Variants in B4GALT3 observed in about 807,000 individuals in gnomAD.
B4GALT3 encodes beta-1,4-galactosyltransferase 3.
In B4GALT3, 29 loss-of-function variants were observed where a neutral mutation model predicts 40.7. The observed-to-expected ratio is 0.71, with a 90% CI of 0.53 to 0.97. The LOEUF is 0.97. B4GALT3 is among the 50% of genes least tolerant of loss of function. B4GALT3 has a pLI of 0.00. For synonymous variants in B4GALT3, 182 were observed against 203.9 expected (o/e 0.89, Z 0.92); for missense variants, 390 against 522.3 (o/e 0.75, Z 2.47).
At position 161,173,597 on chromosome 1, in the gene B4GALT3, A is replaced by C; in HGVS notation, c.803+8T>G. The C allele has an allele frequency of 6.2e-7, 1 of 1,613,704 alleles. No individual in the cohort carries two copies. The highest frequency in any genetic ancestry group is 8.5e-7 in the Non-Finnish European group (1 of 1,180,002). Reference sequence around the variant, plus strand: ...GGTCAGGAGGGAGGAAGTGGCAGGAAGTCTGACCTGGTAGCAATGTCGTCA... The same window carrying C: ...GGTCAGGAGGGAGGAAGTGGCAGGACGTCTGACCTGGTAGCAATGTCGTCA... On this transcript the variant is annotated splice_region_variant and intron_variant, in intron 6 of 7. Transcript: ENST00000319769.
At chr1:161,176,745 G>A in intron 1 of B4GALT3, 166 bp from the exon 2 acceptor site, 1 of 886,634 alleles carries the variant, frequency 1.1e-6, no homozygotes. Flanking sequence ...ACCCTGGAAT[G>A]ATAAGTGTCA....
rs745804708 is a variant in B4GALT3, at chr1:161,172,295, G to A, written c.840C>T (p.Pro280=). The A allele has an allele frequency of 1.9e-6, 3 of 1,613,870 alleles. No individual in the cohort carries two copies. The highest frequency in any genetic ancestry group is 1.3e-5 in the African/African-American group (1 of 74,854). ...CCATCTTATAGTGTCCTACAGATGT[G>A]GGGGGCCGAGAGATCTTCATCCCAG... ...RLAGMKISRP[P]TSVGHYKMVK... The change falls in exon 7 of 8, where the codon CCC becomes CCT. Residue 280 remains proline (P), a synonymous_variant. Transcript: ENST00000319769.
chr1:161,174,297 C>T (rs1314068076), intron 4 of B4GALT3, among the ~76,000 whole-genome samples: 1 of 151,710 alleles, frequency 6.6e-6, no homozygotes, highest in East Asian at 1.9e-4. Context: ...GTCCCAGCTA[C>T]TCAGGAGGCT....
In B4GALT3 at chr1:161,171,576, T is replaced by TAA. The variant is rs1661443682; in HGVS notation, c.*238_*239dup. On this transcript the variant is annotated 3_prime_UTR_variant, in exon 8 of 8. Coordinates refer to ENST00000319769, the MANE Select transcript of B4GALT3 (RefSeq NM_003779.4). ...GCAGGGACTCCTAGGAATCGTCACATAAAATCATGACATCAAGGATTCACA... is the reference window on the plus strand; with the variant it reads ...GCAGGGACTCCTAGGAATCGTCACATAAAAAATCATGACATCAAGGATTCACA... 1.6e-6 allele frequency: 1 copy of TAA among 617,332 alleles called. No homozygotes were observed. Among genetic ancestry groups the TAA allele is most frequent in the African/African-American group, 1.8e-5 (1 of 54,232 alleles). The allele number at this position is 617,332 out of a possible 1,614,324, so 38.2% of individuals were successfully genotyped here.
Position 161,174,793 on chromosome 1 carries a change from A to C in B4GALT3, c.489+200T>G, listed in dbSNP as rs140028004. 2.8e-4 allele frequency: 168 copies of C among 600,468 alleles called. No individual in the cohort carries two copies. The East Asian group carries it at 4.7e-3, about 17-fold the overall frequency. The allele number at this position is 600,468 out of a possible 1,614,324, so 37.2% of individuals were successfully genotyped here. ...AAAAAATCACAGGAGAGTGTAGGAC[A>C]GTGGGAATAACCTAAGCAGATTAAG... On this transcript the variant is annotated intron_variant, in intron 4 of 7. Transcript: ENST00000319769.
At chr1:161,174,845 AAGAGC>A in intron 4 of B4GALT3, 143 bp downstream of exon 4, 1 of 770,548 alleles carries the variant, frequency 1.3e-6, no homozygotes, top group South Asian at 1.7e-5. Context: ...ACAAAGTTGG[AAGAGC>A]AGTGCCGGGT....
upstream of B4GALT3, chr1:161,177,784 T>G (rs539491680): frequency 6.6e-6 from 1 of 151,338 alleles, no homozygotes; most frequent in Non-Finnish European, 1.5e-5. Context: ...ATCAGGAGGC[T>G]AGTGAGCCGG....
intron 3 of B4GALT3, 111 bp from the exon 4 acceptor site, chr1:161,175,339 T>C: frequency 4.3e-6 from 4 of 937,116 alleles, no homozygotes; most frequent in Non-Finnish European, 6.4e-6. Context: ...GGCTTAGTTC[T>C]CAGGGCTCAC....
At position 161,171,539 on chromosome 1, in the gene B4GALT3, C is replaced by T; in HGVS notation, c.*277G>A. On this transcript the variant is annotated 3_prime_UTR_variant, in exon 8 of 8. Coordinates refer to ENST00000319769, the MANE Select transcript of B4GALT3 (RefSeq NM_003779.4). ...GAGGGGCTTGGGGTCCAGCCCTGCT[C>T]CTACTCTAGGGGCAGGGACTCCTAG... 1 of 586,888 alleles carries T rather than the reference C, an allele frequency of 1.7e-6. No individual in the cohort carries two copies. Among genetic ancestry groups the T allele is most frequent in the Non-Finnish European group, 3.0e-6 (1 of 334,254 alleles). The allele number at this position is 586,888 out of a possible 1,614,324, so 36.4% of individuals were successfully genotyped here. A position where few individuals can be genotyped will look rare whatever the true frequency, so the allele number is the denominator to read the frequency against.
rs905022007 is a variant in B4GALT3 at position 161,176,219 on chromosome 1, G to C, written c.-14-145C>G. 2.6e-5 allele frequency: 23 copies of C among 879,046 alleles called. No homozygotes were observed. In the African/African-American group the frequency reaches 3.7e-4, roughly 14 times the overall value. 54.5% of individuals were successfully genotyped at this position (879,046 alleles called of 1,614,324 possible). On this transcript the variant is annotated intron_variant, in intron 2 of 7. Coordinates refer to ENST00000319769, the MANE Select transcript of B4GALT3 (RefSeq NM_003779.4). ...ACAGAAGGGAGCACACAGGTGCACA[G>C]TCACGCAAGGAAACAGAATGTAACC...
chr1:161,171,895 TCTTGACGGAAGG>T lies in B4GALT3; in HGVS notation c.1091_1102del (p.Ala364_Gln367del), dbSNP rs1275202923. 3 of 1,613,984 alleles carry T rather than the reference TCTTGACGGAAGG, an allele frequency of 1.9e-6. No homozygotes were observed. The African/African-American group carries it at 4.0e-5, about 22-fold the overall frequency. On this transcript the variant is annotated inframe_deletion, in exon 8 of 8. Transcript: ENST00000319769. ...GGCTGGGGGCCGGCGTTGCAGCATC[TCTTGACGGAAGG>T]CTTGGGAGGAACCAGGTGGGTAACG...
intron 4 of B4GALT3, among the ~76,000 whole-genome samples, chr1:161,174,338 G>A (rs1012441421): frequency 7.9e-5 from 12 of 151,758 alleles, no homozygotes; most frequent in Admixed American, 2.0e-4. Flanking sequence ...AACCCGGGAG[G>A]TGGAGCTTGC....
upstream of B4GALT3, chr1:161,177,564 G>T (rs904682878): frequency 5.5e-5 from 9 of 165,052 alleles, no homozygotes; most frequent in Admixed American, 4.7e-4. Flanking sequence ...GGCTGACTAG[G>T]CACCCGGTCC....
At chr1:161,173,563 C>A in intron 6 of B4GALT3, 42 bp downstream of exon 6, 1 of 1,612,272 alleles carries the variant, frequency 6.2e-7, no homozygotes, top group Non-Finnish European at 8.5e-7. Flanking sequence ...GGACAGGGAT[C>A]CAGACTGGGG....
At position 161,171,884 on chromosome 1, in the gene B4GALT3, G is replaced by A. The variant is rs1369539144; in HGVS notation, c.1114C>T (p.Arg372Cys). 3.1e-6 allele frequency: 5 copies of A among 1,614,200 alleles called. No homozygotes were observed. Among genetic ancestry groups the A allele is most frequent in the South Asian group, 1.1e-5 (1 of 91,086 alleles). The change falls in exon 8 of 8, where the codon CGC (arginine) becomes TGC (cysteine). Residue 372 changes from arginine to cysteine, a missense_variant. Around this residue, in one of 3 missense-constraint regions of B4GALT3, gnomAD observed 72 missense variants for 71.3 expected, o/e 1.01. Coordinates refer to ENST00000319769, the MANE Select transcript of B4GALT3 (RefSeq NM_003779.4). ...GGCCCAGGCCTGGCTGGGGGCCGGC[G>A]TTGCAGCATCTCTTGACGGAAGGCT... is the stretch of plus-strand genomic sequence containing the variant. ...SQAFRQEMLQ[R>C]RPPARPGPLS...
Position 161,171,611 on chromosome 1 carries a change from C to CA in B4GALT3, c.*204_*205insT. On this transcript the variant is annotated 3_prime_UTR_variant, in exon 8 of 8. Coordinates refer to ENST00000319769, the MANE Select transcript of B4GALT3 (RefSeq NM_003779.4). ...ACATCAAGGATTCACAGTCATAAGC[C>CA]CTACAGGAGACCCTAGAGAGAGGGA... The CA allele has an allele frequency of 1.5e-6, 1 of 661,248 alleles. No homozygotes were observed. Among genetic ancestry groups the CA allele is most frequent in the Admixed American group, 2.9e-5 (1 of 33,994 alleles). 41.0% of individuals were successfully genotyped at this position (661,248 alleles called of 1,614,324 possible). A position where few individuals can be genotyped will look rare whatever the true frequency, so the allele number is the denominator to read the frequency against.
At chr1:161,177,071 C>T (rs1018330243) in intron 1 of B4GALT3, 8 of 1,535,386 alleles carry the variant, frequency 5.2e-6, no homozygotes, top group Non-Finnish European at 7.0e-6. Context: ...TTCTACCTTT[C>T]CCCTCTTCTA....
In B4GALT3 at chr1:161,171,560, C is replaced by T; in HGVS notation, c.*256G>A. The stretch of plus-strand genomic sequence containing the variant: ...TGCTCCTACTCTAGGGGCAGGGACT[C>T]CTAGGAATCGTCACATAAAATCATG... On this transcript the variant is annotated 3_prime_UTR_variant, in exon 8 of 8. Transcript: ENST00000319769. The T allele has an allele frequency of 1.7e-6, 1 of 600,548 alleles. No homozygotes were observed. Among genetic ancestry groups the T allele is most frequent in the East Asian group, 2.9e-5 (1 of 34,634 alleles). 37.2% of individuals were successfully genotyped at this position (600,548 alleles called of 1,614,324 possible). A position where few individuals can be genotyped will look rare whatever the true frequency, so the allele number is the denominator to read the frequency against.
chr1:161,174,967 C>A lies in B4GALT3; in HGVS notation c.489+26G>T. ...GAGGCTTCCTTAGAAGAAAGTCAGT[C>A]AAAATGAGGTGGAGATTGGGGGTAC... is the stretch of plus-strand genomic sequence containing the variant. On this transcript the variant is annotated intron_variant, in intron 4 of 7. Coordinates refer to ENST00000319769, the MANE Select transcript of B4GALT3 (RefSeq NM_003779.4). 1.9e-6 allele frequency: 3 copies of A among 1,607,524 alleles called. No individual in the cohort carries two copies. The South Asian group carries it at 3.3e-5, about 18-fold the overall frequency.
Sources: gnomAD v4.1 joint callset for allele counts (sites outside exome capture counted in the v4.1 genomes callset) on GRCh38, gnomAD v4.1.1 for gene constraint, gnomAD v4.1.1 regional missense constraint, MANE v1.5 for transcripts, NCBI Gene and HGNC (gene_info 2026-07-23, HGNC 2026-07-21) for gene names.